Variants in VWC2L observed in about 807,000 individuals in gnomAD.
The protein encoded by VWC2L is von Willebrand factor C domain containing 2 like, also known as von Willebrand factor C domain-containing protein 2-like.
In VWC2L, 10 loss-of-function variants were observed where a neutral mutation model predicts 21.6. The ratio of observed to expected loss-of-function variants is 0.46; its 90% CI spans 0.29 to 0.78. VWC2L has a LOEUF of 0.78. VWC2L is among the 30% of genes least tolerant of loss of function. VWC2L has a pLI of 0.10. For synonymous variants in VWC2L, 96 were observed against 94.3 expected (o/e 1.02, Z -0.10); for missense variants, 209 against 277.1 (o/e 0.75, Z 1.74).
intron 2 of VWC2L, among the ~76,000 whole-genome samples, chr2:214,421,577 T>G (rs1238927198): frequency 6.6e-6 from 1 of 152,064 alleles, no homozygotes; most frequent in Non-Finnish European, 1.5e-5. Context: ...GAGATCGGCG[T>G]TGATTTGCAG....
chr2:214,520,734 C>T (rs1196723026), intron 3 of VWC2L, among the ~76,000 whole-genome samples: 1 of 151,940 alleles, frequency 6.6e-6, no homozygotes, highest in Non-Finnish European at 1.5e-5. Flanking sequence ...TTTTTTGATG[C>T]TATATTGCAT....
At chr2:214,503,190 G>T (rs547190589) in intron 3 of VWC2L, among the ~76,000 whole-genome samples, 3 of 152,228 alleles carry the variant, frequency 2.0e-5, no homozygotes, top group East Asian at 1.9e-4. Context: ...ATATGTTAGG[G>T]AAAGAAAACA....
intron 3 of VWC2L, among the ~76,000 whole-genome samples, chr2:214,454,598 CTTTTTTTT>C (rs34032234): frequency 3.1e-5 from 2 of 64,134 alleles, no homozygotes; most frequent in South Asian, 6.6e-4. Context: ...GATTGATTTT[CTTTTTTTT>C]TTTTTTTTTT....
intron 3 of VWC2L, 103 bp downstream of exon 3, chr2:214,436,861 T>C: frequency 7.2e-7 from 1 of 1,398,484 alleles, no homozygotes; most frequent in Non-Finnish European, 9.8e-7. Flanking sequence ...GATCTGCCTG[T>C]GGCTTTTCAA....
At chr2:214,541,826 G>T (rs1186505083) in intron 3 of VWC2L, among the ~76,000 whole-genome samples, 1 of 151,874 alleles carries the variant, frequency 6.6e-6, no homozygotes, top group African/African-American at 2.4e-5. Flanking sequence ...GTAACCTGGA[G>T]ATTTTAATCT....
intron 2 of VWC2L, among the ~76,000 whole-genome samples, chr2:214,415,419 T>C (rs1702340253): frequency 6.6e-6 from 1 of 152,156 alleles, no homozygotes. Flanking sequence ...GCCTGGAGTG[T>C]CTGTCATACT....
chr2:214,498,336 G>A (rs949753057), intron 3 of VWC2L, among the ~76,000 whole-genome samples: 6 of 152,086 alleles, frequency 3.9e-5, no homozygotes, highest in African/African-American at 1.4e-4. Context: ...CATCCAGAGG[G>A]GAAAGACATA....
At chr2:214,428,735 C>T (rs929903249) in intron 2 of VWC2L, among the ~76,000 whole-genome samples, 1 of 149,686 alleles carries the variant, frequency 6.7e-6, no homozygotes, top group East Asian at 2.0e-4. Flanking sequence ...TCTTCATAAC[C>T]TGTCAAAGTA....
At chr2:214,514,509 G>A (rs1304106093) in intron 3 of VWC2L, among the ~76,000 whole-genome samples, 1 of 152,116 alleles carries the variant, frequency 6.6e-6, no homozygotes, top group Non-Finnish European at 1.5e-5. Flanking sequence ...AGTAAACTTA[G>A]TTATTTTTAC....
chr2:214,501,630 G>A (rs1022187078), intron 3 of VWC2L, among the ~76,000 whole-genome samples: 2 of 149,264 alleles, frequency 1.3e-5, no homozygotes, highest in Admixed American at 6.8e-5. Context: ...GCTGAGGCAG[G>A]AGAATCACTT....
chr2:214,507,089 T>G (rs1173696223), intron 3 of VWC2L, among the ~76,000 whole-genome samples: 2 of 152,110 alleles, frequency 1.3e-5, no homozygotes, highest in Non-Finnish European at 2.9e-5. Flanking sequence ...TACTAGAGTA[T>G]AAGCATATTT....
At chr2:214,554,053 T>A (rs1689837015) in intron 3 of VWC2L, among the ~76,000 whole-genome samples, 2 of 152,122 alleles carry the variant, frequency 1.3e-5, no homozygotes, top group Admixed American at 1.3e-4. Flanking sequence ...CCCAGGCCAC[T>A]AACTCATCTT....
chr2:214,541,205 C>G (rs1462848535), intron 3 of VWC2L, among the ~76,000 whole-genome samples: 1 of 152,062 alleles, frequency 6.6e-6, no homozygotes. Context: ...CAGTCAGGAT[C>G]ATTGGGCTTT....
At chr2:214,461,702 A>G (rs1703143615) in intron 3 of VWC2L, among the ~76,000 whole-genome samples, 1 of 152,106 alleles carries the variant, frequency 6.6e-6, no homozygotes, top group South Asian at 2.1e-4. Flanking sequence ...CAAGCTCCCT[A>G]GTGGTACACA....
chr2:214,460,956 A>G (rs1302668966), intron 3 of VWC2L, among the ~76,000 whole-genome samples: 1 of 152,170 alleles, frequency 6.6e-6, no homozygotes. Flanking sequence ...TTGTCTGGGT[A>G]GGAAATGTTA....
chr2:214,492,196 A>C (rs1292446265), intron 3 of VWC2L, among the ~76,000 whole-genome samples: 1 of 152,130 alleles, frequency 6.6e-6, no homozygotes, highest in Non-Finnish European at 1.5e-5. Context: ...GATGTACCAA[A>C]TGACATGGGG....
intron 3 of VWC2L, among the ~76,000 whole-genome samples, chr2:214,511,435 G>C (rs35187453): frequency 0.37 from 56,284 of 151,972 alleles, 11,744 homozygotes; most frequent in Non-Finnish European, 0.49. Context: ...AGGTCATAAG[G>C]GTGGGGCCCT....
At chr2:214,466,805 G>T (rs976206199) in intron 3 of VWC2L, among the ~76,000 whole-genome samples, 2 of 152,020 alleles carry the variant, frequency 1.3e-5, no homozygotes, top group Non-Finnish European at 2.9e-5. Flanking sequence ...TTCTACTTAG[G>T]TTTTGTGAAT....
At chr2:214,448,241 T>C (rs1702868609) in intron 3 of VWC2L, among the ~76,000 whole-genome samples, 2 of 152,214 alleles carry the variant, frequency 1.3e-5, no homozygotes, top group Admixed American at 6.5e-5. Flanking sequence ...GTACAACACA[T>C]TGTAGATGCA....
Sources: gnomAD v4.1 joint callset for allele counts (sites outside exome capture counted in the v4.1 genomes callset) on GRCh38, gnomAD v4.1.1 for gene constraint, MANE v1.5 for transcripts, NCBI Gene and HGNC (gene_info 2026-07-23, HGNC 2026-07-21) for gene names.